PKHD1: variants seen among roughly 807,000 people sequenced by gnomAD.
PKHD1 encodes fibrocystin.
Under a neutral mutation model 412.0 loss-of-function variants are expected in PKHD1, and 291 were observed. The ratio of observed to expected loss-of-function variants is 0.71; its 90% confidence interval spans 0.64 to 0.78. PKHD1 has a LOEUF of 0.78. PKHD1 is among the 30% of genes least tolerant of loss of function. PKHD1 has a pLI of 0.00. For synonymous variants in PKHD1, 1,777 were observed against 1,821.5 expected, an observed-to-expected ratio of 0.98 and a Z score of 0.62; for missense variants, 4,825 against 4,950.7, an observed-to-expected ratio of 0.97 and a Z score of 0.76.
At chr6:51,874,145 TC>T (rs1052931613) in intron 46 of PKHD1, among the ~76,000 whole-genome samples, 1 of 152,158 alleles carries the variant, frequency 6.6e-6, no homozygotes, top group Non-Finnish European at 1.5e-5. Context: ...ATGAAGCAAC[TC>T]CATCAGCATC....
chr6:51,824,280 T>G (rs1047431082), intron 52 of PKHD1, among the ~76,000 whole-genome samples: 1 of 152,136 alleles, frequency 6.6e-6, no homozygotes, highest in Non-Finnish European at 1.5e-5. Flanking sequence ...GGACTCCATA[T>G]AGCAAAGCAC....
In PKHD1 at chr6:51,934,095, A is replaced by G; in HGVS notation, c.6121+15T>C. On this transcript the variant is annotated intron_variant, in intron 37 of 66. Transcript: ENST00000371117. The stretch of plus-strand genomic sequence containing the variant: ...CAGCTCTACTTCATTTCCTCTGATC[A>G]ATTGCCTCACTCACCGTGCAGAGAA... 6.3e-7 allele frequency: 1 copy of G among 1,574,864 alleles called. No individual in the cohort carries two copies.
In PKHD1 at chr6:52,045,052, C is replaced by T; in HGVS notation, c.2629G>A (p.Ala877Thr). 2.5e-6 allele frequency: 4 copies of T among 1,613,164 alleles called. No individual in the cohort carries two copies. The highest frequency in any genetic ancestry group is 1.1e-5 in the South Asian group (1 of 91,060). ...CCATCATATACCACACGCGTGGCTG[C>T]AGCAGGATTCACTCCAGTAAGGTTT... is the stretch of plus-strand genomic sequence containing the variant. ...DENLTGVNPA[A>T]ATRVVYDGGV... is the part of the protein sequence containing the mutation. Residue 877 changes from alanine to threonine, a missense_variant, in exon 25 of 67, where the codon GCA becomes ACA. Transcript: ENST00000371117.
chr6:51,845,118 C>A (rs938805763), intron 50 of PKHD1, among the ~76,000 whole-genome samples: 3 of 152,186 alleles, frequency 2.0e-5, no homozygotes, highest in Admixed American at 6.5e-5. Context: ...ACTTCTTGGG[C>A]TCTTGCTCGG....
chr6:51,635,294 A>G (rs2150313702), intron 64 of PKHD1, among the ~76,000 whole-genome samples: 1 of 152,296 alleles, frequency 6.6e-6, no homozygotes, highest in East Asian at 1.9e-4. Context: ...CCATTTTTGT[A>G]TAGAACACAA....
intron 60 of PKHD1, among the ~76,000 whole-genome samples, chr6:51,703,875 C>T (rs1395013489): frequency 6.6e-6 from 1 of 152,032 alleles, no homozygotes; most frequent in Non-Finnish European, 1.5e-5. Context: ...GAAAGCTCAT[C>T]TGGAAATAAA....
At chr6:51,765,716 G>C (rs1788876390) in intron 55 of PKHD1, among the ~76,000 whole-genome samples, 3 of 152,020 alleles carry the variant, frequency 2.0e-5, no homozygotes, top group Non-Finnish European at 4.4e-5. Context: ...TTCTGTATTT[G>C]TTTGAGTATC....
intron 53 of PKHD1, among the ~76,000 whole-genome samples, chr6:51,778,055 C>G (rs1326707798): frequency 6.6e-6 from 1 of 152,010 alleles, no homozygotes; most frequent in Non-Finnish European, 1.5e-5. Context: ...AAATGAAATG[C>G]TTCTTGAATG....
chr6:51,647,901 G>A, intron 63 of PKHD1, 130 bp downstream of exon 63: 1 of 699,296 alleles, frequency 1.4e-6, no homozygotes, highest in South Asian at 1.5e-5. Context: ...TAGGGATGAA[G>A]GAGTTTCTTC....
intron 12 of PKHD1, among the ~76,000 whole-genome samples, chr6:52,065,384 A>T (rs534375844): frequency 7.4e-4 from 113 of 152,126 alleles, no homozygotes; most frequent in African/African-American, 2.5e-3. Context: ...AAGGAAAGCC[A>T]TGCAATGGAG....
chr6:51,707,771 G>T (rs207466957), intron 60 of PKHD1, among the ~76,000 whole-genome samples: 1 of 152,064 alleles, frequency 6.6e-6, no homozygotes, highest in East Asian at 1.9e-4. Context: ...TTCTTCTCAG[G>T]ACTCATTTTT....
intron 1 of PKHD1, among the ~76,000 whole-genome samples, chr6:52,086,070 A>G (rs1201746680): frequency 6.8e-6 from 1 of 147,032 alleles, no homozygotes; most frequent in East Asian, 2.0e-4. Flanking sequence ...ATATATATAC[A>G]TACCTACATA....
At chr6:51,835,512 A>G (rs59577131) in intron 51 of PKHD1, among the ~76,000 whole-genome samples, 2,926 of 152,302 alleles carry the variant, frequency 0.019, 91 homozygotes, top group African/African-American at 0.067. Flanking sequence ...CATCTTGCTC[A>G]TCATGGTATC....
intron 48 of PKHD1, among the ~76,000 whole-genome samples, chr6:51,864,370 G>A (rs1264680195): frequency 7.9e-5 from 12 of 152,250 alleles, no homozygotes; most frequent in South Asian, 4.1e-4. Context: ...TTGAAACACC[G>A]AAAAATGGCA....
At chr6:51,896,804 C>T (rs1780121865) in intron 43 of PKHD1, among the ~76,000 whole-genome samples, 1 of 150,506 alleles carries the variant, frequency 6.6e-6, no homozygotes, top group South Asian at 2.1e-4. Flanking sequence ...ATAACCAATA[C>T]AGAGAAGTGC....
intron 52 of PKHD1, among the ~76,000 whole-genome samples, chr6:51,818,303 A>T (rs1200852969): frequency 6.6e-6 from 1 of 152,242 alleles, no homozygotes; most frequent in Admixed American, 6.5e-5. Flanking sequence ...TGCTCTGAGA[A>T]ACATATATTC....
intron 43 of PKHD1, among the ~76,000 whole-genome samples, chr6:51,898,552 G>A (rs1281901408): frequency 5.5e-5 from 8 of 144,736 alleles, no homozygotes; most frequent in Non-Finnish European, 7.5e-5. Context: ...AATGCCCACA[G>A]GAGAAAGCAG....
intron 36 of PKHD1, among the ~76,000 whole-genome samples, chr6:51,948,064 G>A (rs568096331): frequency 9.9e-5 from 15 of 151,952 alleles, no homozygotes; most frequent in African/African-American, 3.6e-4. Context: ...CCTTCAAAAC[G>A]TCCCCTATAA....
chr6:51,662,577 C>A (rs1352354129), intron 60 of PKHD1, among the ~76,000 whole-genome samples: 3 of 151,560 alleles, frequency 2.0e-5, no homozygotes, highest in African/African-American at 7.3e-5. Context: ...AGGAAATAAT[C>A]AATATGATTG....
Sources: gnomAD v4.1 joint callset for allele counts (sites outside exome capture counted in the v4.1 genomes callset) on GRCh38, gnomAD v4.1.1 for gene constraint, MANE v1.5 for transcripts, NCBI Gene and HGNC (gene_info 2026-07-23, HGNC 2026-07-21) for gene names.